NTM: variants seen among roughly 807,000 people sequenced by gnomAD.
NTM encodes the protein IgLON family member 2.
NTM carries 13 observed loss-of-function variants against 42.1 expected under a neutral mutation model. The observed-to-expected ratio is 0.31, with a 90% CI of 0.20 to 0.49. The LOEUF (loss-of-function observed/expected upper bound fraction) is 0.49. Ranked by LOEUF, NTM falls within the 20% of genes least tolerant of loss-of-function variation. The pLI, the probability that NTM is intolerant of heterozygous loss-of-function variation, is 0.99. For synonymous variants in NTM, 187 were observed against 179.2 expected (o/e 1.04, Z -0.35); for missense variants, 373 against 452.8 (o/e 0.82, Z 1.60).
Position 131,941,721 on chromosome 11 carries a change from A to G in NTM, c.167+30073A>G, listed in dbSNP as rs150358336. On this transcript the variant is annotated intron_variant, in intron 2 of 8. Transcript: ENST00000683400. ...AAGCACCTAACACAGCTCAGTAAAA[A>G]TGGACTCTTGTTATTATTGGGTAAC... Among the ~76,000 whole-genome samples, 97 of 152,342 alleles carry G rather than the reference A, an allele frequency of 6.4e-4. No individual in the cohort carries two copies. The Middle Eastern group carries it at 0.014, about 21-fold the overall frequency.
intron 2 of NTM, among the ~76,000 whole-genome samples, chr11:131,978,537 A>G (rs777716675): frequency 6.6e-6 from 1 of 152,104 alleles, no homozygotes; most frequent in Non-Finnish European, 1.5e-5. Context: ...CCTATTTCCT[A>G]TGACTGTTCC....
intron 2 of NTM, among the ~76,000 whole-genome samples, chr11:132,127,941 G>A (rs907780155): frequency 3.3e-5 from 5 of 152,224 alleles, no homozygotes; most frequent in African/African-American, 1.2e-4. Context: ...ACTGAACCAG[G>A]TGGGATGCTG....
At chr11:131,927,430 G>A (rs1442917501) in intron 2 of NTM, among the ~76,000 whole-genome samples, 1 of 152,178 alleles carries the variant, frequency 6.6e-6, no homozygotes, top group Admixed American at 6.5e-5. Context: ...TCTTGCCCAA[G>A]TCTCTAGGAA....
chr11:131,899,862 C>A (rs531992029), intron 1 of NTM, among the ~76,000 whole-genome samples: 5 of 152,306 alleles, frequency 3.3e-5, no homozygotes, highest in East Asian at 1.9e-4. Context: ...CAAATGTCAT[C>A]ATCAATTTCA....
intron 1 of NTM, among the ~76,000 whole-genome samples, chr11:131,658,991 A>G (rs1460690483): frequency 6.6e-6 from 1 of 152,162 alleles, no homozygotes; most frequent in Non-Finnish European, 1.5e-5. Context: ...AAATAGATGT[A>G]AGCACTGAGA....
intron 2 of NTM, among the ~76,000 whole-genome samples, chr11:131,929,401 G>T (rs555976178): frequency 2.0e-4 from 31 of 152,268 alleles, no homozygotes; most frequent in African/African-American, 6.0e-4. Flanking sequence ...TTCGTCTTAT[G>T]GGAAGCCCCT....
intron 2 of NTM, among the ~76,000 whole-genome samples, chr11:131,936,792 T>C (rs1254078489): frequency 6.6e-6 from 1 of 152,100 alleles, no homozygotes; most frequent in Non-Finnish European, 1.5e-5. Flanking sequence ...ACACAGAACT[T>C]ACTCTGTATT....
At chr11:131,922,738 G>A (rs1202909306) in intron 2 of NTM, among the ~76,000 whole-genome samples, 2 of 152,146 alleles carry the variant, frequency 1.3e-5, no homozygotes, top group East Asian at 3.9e-4. Context: ...TATCTGCCTG[G>A]CAGCCCCAGC....
chr11:131,635,108 G>A (rs963768159), intron 1 of NTM, among the ~76,000 whole-genome samples: 1 of 152,182 alleles, frequency 6.6e-6, no homozygotes, highest in Non-Finnish European at 1.5e-5. Context: ...TAACGTCATA[G>A]TGCAATGCAT....
intron 1 of NTM, among the ~76,000 whole-genome samples, chr11:131,804,697 A>C (rs3867236): frequency 0.76 from 115,609 of 152,082 alleles, 44,821 homozygotes; most frequent in African/African-American, 0.9. Flanking sequence ...CCCAGGCCGC[A>C]TACTATGTCT....
intron 1 of NTM, among the ~76,000 whole-genome samples, chr11:131,640,840 G>T (rs569168979): frequency 9.9e-5 from 15 of 152,252 alleles, no homozygotes; most frequent in African/African-American, 3.1e-4. Context: ...TGTATCTGGC[G>T]CACAGTGTCT....
At chr11:131,575,041 C>T (rs2057799033) in intron 1 of NTM, among the ~76,000 whole-genome samples, 1 of 152,170 alleles carries the variant, frequency 6.6e-6, no homozygotes, top group African/African-American at 2.4e-5. Flanking sequence ...ATCTCCTATT[C>T]AGCAGGAATT....
rs1025617106 is a variant in NTM at position 131,508,338 on chromosome 11, C to A, written c.82+137450C>A. 2.0e-5 allele frequency among the ~76,000 whole-genome samples: 3 copies of A among 148,048 alleles called. 1 individual carries two copies. The highest frequency in any genetic ancestry group is 5.1e-5 in the African/African-American group (2 of 39,544). On this transcript the variant is annotated intron_variant, in intron 1 of 8. Transcript: ENST00000683400. ...TGCAAATCAAAACCACAATGAGATA[C>A]CATCTCACACCAGTTAGAATGGCAA...
At chr11:132,057,828 C>T (rs949147) in intron 2 of NTM, among the ~76,000 whole-genome samples, 51,555 of 151,772 alleles carry the variant, frequency 0.34, 7,067 homozygotes, top group South Asian at 0.46. Flanking sequence ...CTCTCACTGG[C>T]GCTGTTGGTT....
intron 2 of NTM, among the ~76,000 whole-genome samples, chr11:132,121,875 G>A (rs1246682946): frequency 6.6e-6 from 1 of 152,126 alleles, no homozygotes; most frequent in Non-Finnish European, 1.5e-5. Flanking sequence ...ATACTTCTTT[G>A]ACGAGTGTTT....
At chr11:131,951,414 C>A (rs1284705677) in intron 2 of NTM, among the ~76,000 whole-genome samples, 1 of 152,136 alleles carries the variant, frequency 6.6e-6, no homozygotes, top group East Asian at 1.9e-4. Flanking sequence ...GTGTTACTGC[C>A]TTTCACTTGA....
At chr11:131,494,481 C>T (rs1955129002) in intron 1 of NTM, among the ~76,000 whole-genome samples, 3 of 152,194 alleles carry the variant, frequency 2.0e-5, no homozygotes, top group South Asian at 4.1e-4. Flanking sequence ...CAGGCAAATA[C>T]AACTTCCATG....
At chr11:131,694,818 C>G (rs979278889) in intron 1 of NTM, among the ~76,000 whole-genome samples, 1 of 152,188 alleles carries the variant, frequency 6.6e-6, no homozygotes, top group Non-Finnish European at 1.5e-5. Flanking sequence ...GATGATCACT[C>G]AGGATTGGGT....
chr11:132,086,190 G>C (rs1040146826), intron 2 of NTM, among the ~76,000 whole-genome samples: 2 of 152,140 alleles, frequency 1.3e-5, no homozygotes, highest in Non-Finnish European at 2.9e-5. Flanking sequence ...TGGGCATGGT[G>C]GTGGGCGCCT....
Sources: gnomAD v4.1 joint callset for allele counts (sites outside exome capture counted in the v4.1 genomes callset) on GRCh38, gnomAD v4.1.1 for gene constraint, MANE v1.5 for transcripts, NCBI Gene and HGNC (gene_info 2026-07-23, HGNC 2026-07-21) for gene names.